The following SOBP variants were observed in gnomAD, a reference collection of about 807,000 sequenced individuals.
SOBP encodes sine oculis-binding protein homolog.
A neutral mutation model predicts 53.6 loss-of-function variants in SOBP; 4 were observed. The ratio of observed to expected loss-of-function variants is 0.07; its 90% CI spans 0.04 to 0.17. The LOEUF is 0.17. SOBP is among the 10% of genes least tolerant of loss of function. SOBP has a pLI of 1.00. For synonymous variants in SOBP, 584 were observed against 522.6 expected (o/e 1.12, Z -1.60); for missense variants, 1,088 against 1,204.7 (o/e 0.90, Z 1.43).
At chr6:107,608,555 G>A (rs1343539231) in intron 5 of SOBP, among the ~76,000 whole-genome samples, 1 of 152,204 alleles carries the variant, frequency 6.6e-6, no homozygotes, top group African/African-American at 2.4e-5. Context: ...AAGTTTAAAA[G>A]CTATTTTTTA....
chr6:107,505,124 T>A (rs573494721), intron 2 of SOBP, among the ~76,000 whole-genome samples: 2 of 152,336 alleles, frequency 1.3e-5, no homozygotes, highest in East Asian at 3.9e-4. Context: ...CGATACCTTG[T>A]GAAGCATCAG....
intron 4 of SOBP, among the ~76,000 whole-genome samples, chr6:107,565,990 A>T (rs1036702677): frequency 2.6e-5 from 4 of 152,240 alleles, no homozygotes; most frequent in Non-Finnish European, 5.9e-5. Context: ...ACAAATTTTT[A>T]AAATTTGTCC....
chr6:107,522,451 A>G (rs1041220440), intron 3 of SOBP, among the ~76,000 whole-genome samples: 1 of 152,028 alleles, frequency 6.6e-6, no homozygotes, highest in Non-Finnish European at 1.5e-5. Flanking sequence ...CTCCATGAAG[A>G]TAAGGCACCT....
chr6:107,582,553 C>CA lies in SOBP; in HGVS notation c.574-4513dup, dbSNP rs35473947. ...TGAAGGATTTTTGTTTCTGTTATGG[C>CA]AAAAAAAAAAAAAAGAAATTTCCTT... On this transcript the variant is annotated intron_variant, in intron 4 of 6. Transcript: ENST00000317357. 8.0e-3 allele frequency among the ~76,000 whole-genome samples: 913 copies of CA among 114,130 alleles called. 7 individuals are homozygous for CA. The highest frequency in any genetic ancestry group is 0.021 in the African/African-American group (659 of 31,510). 74.9% of individuals were successfully genotyped at this position (114,130 alleles called of 152,430 possible).
At chr6:107,623,828 G>A (rs1389502069) in intron 5 of SOBP, among the ~76,000 whole-genome samples, 1 of 152,190 alleles carries the variant, frequency 6.6e-6, no homozygotes, top group Non-Finnish European at 1.5e-5. Flanking sequence ...AGTGAAGTAG[G>A]CAGCATAGTA....
At chr6:107,617,567 A>C (rs1786839165) in intron 5 of SOBP, among the ~76,000 whole-genome samples, 1 of 152,196 alleles carries the variant, frequency 6.6e-6, no homozygotes, top group African/African-American at 2.4e-5. Flanking sequence ...GCTGATGTAA[A>C]TAGATTAATA....
intron 4 of SOBP, among the ~76,000 whole-genome samples, chr6:107,539,759 T>C (rs1784101246): frequency 1.3e-5 from 2 of 152,190 alleles, no homozygotes; most frequent in African/African-American, 4.8e-5. Flanking sequence ...TCCTTATTGA[T>C]CCAGTCACTT....
At chr6:107,538,055 ATT>A (rs1248019359) in intron 4 of SOBP, among the ~76,000 whole-genome samples, 1 of 152,210 alleles carries the variant, frequency 6.6e-6, no homozygotes, top group Non-Finnish European at 1.5e-5. Flanking sequence ...TGTTATTGGC[ATT>A]TCTTTTACTT....
chr6:107,588,966 T>A (rs1423912658), intron 5 of SOBP, among the ~76,000 whole-genome samples: 1 of 152,170 alleles, frequency 6.6e-6, no homozygotes, highest in African/African-American at 2.4e-5. Flanking sequence ...GAAATTTAAT[T>A]TTTTTCAGCT....
chr6:107,503,289 T>C (rs533446441), intron 1 of SOBP, among the ~76,000 whole-genome samples: 1 of 152,366 alleles, frequency 6.6e-6, no homozygotes, highest in African/African-American at 2.4e-5. Context: ...ATTTTCAAAA[T>C]CTTTTCTTAG....
chr6:107,551,845 A>G (rs1784468015), intron 4 of SOBP, among the ~76,000 whole-genome samples: 1 of 152,020 alleles, frequency 6.6e-6, no homozygotes, highest in Admixed American at 6.5e-5. Context: ...ACATGGTGAA[A>G]CCTCATCTCT....
chr6:107,546,631 T>G (rs1784308621), intron 4 of SOBP, among the ~76,000 whole-genome samples: 1 of 152,154 alleles, frequency 6.6e-6, no homozygotes, highest in Admixed American at 6.5e-5. Flanking sequence ...TATCATAATT[T>G]TGAGAAAAGC....
At chr6:107,642,011 A>T (rs1189141528) in intron 6 of SOBP, among the ~76,000 whole-genome samples, 2 of 152,232 alleles carry the variant, frequency 1.3e-5, no homozygotes, top group African/African-American at 4.8e-5. Context: ...ATGTGGATGG[A>T]TGTTAAGGCA....
intron 4 of SOBP, among the ~76,000 whole-genome samples, chr6:107,556,037 T>C (rs1197038445): frequency 1.3e-5 from 2 of 152,232 alleles, no homozygotes; most frequent in Non-Finnish European, 2.9e-5. Context: ...TGAAGACTTT[T>C]AGAGATTTTT....
intron 3 of SOBP, among the ~76,000 whole-genome samples, chr6:107,520,412 C>T (rs1460995354): frequency 2.0e-5 from 3 of 152,150 alleles, no homozygotes; most frequent in Non-Finnish European, 4.4e-5. Flanking sequence ...CTCAAGGTCA[C>T]TCAGTTGCCT....
At chr6:107,552,620 G>A (rs1036082467) in intron 4 of SOBP, among the ~76,000 whole-genome samples, 4 of 152,214 alleles carry the variant, frequency 2.6e-5, no homozygotes, top group African/African-American at 4.8e-5. Context: ...CCAGTCAAAT[G>A]AGATGAATTC....
chr6:107,552,054 T>C (rs1444293895), intron 4 of SOBP, among the ~76,000 whole-genome samples: 3 of 152,202 alleles, frequency 2.0e-5, no homozygotes, highest in Non-Finnish European at 4.4e-5. Context: ...TGATTGGGAC[T>C]TACTGATGAG....
chr6:107,516,092 A>AG (rs1783311789), intron 3 of SOBP, among the ~76,000 whole-genome samples: 2 of 152,230 alleles, frequency 1.3e-5, no homozygotes, highest in Non-Finnish European at 2.9e-5. Flanking sequence ...GGTTATCAAC[A>AG]GAACACTCCA....
chr6:107,603,728 C>T (rs1434695466), intron 5 of SOBP, among the ~76,000 whole-genome samples: 1 of 152,122 alleles, frequency 6.6e-6, no homozygotes, highest in African/African-American at 2.4e-5. Flanking sequence ...ATGTGAGATA[C>T]CATGAGGTCT....
Sources: allele counts gnomAD v4.1 joint callset (sites outside exome capture counted in the v4.1 genomes callset), GRCh38; gene constraint gnomAD v4.1.1; transcripts MANE v1.5; gene names NCBI Gene and HGNC (gene_info 2026-07-23, HGNC 2026-07-21).